The following MCM6 variants were observed in gnomAD, a reference collection of about 807,000 sequenced individuals.
MCM6 encodes the protein minichromosome maintenance complex component 6, also known as DNA replication licensing factor MCM6.
A neutral mutation model predicts 94.3 loss-of-function variants in MCM6; 46 were observed. The observed-to-expected ratio is 0.49, with a 90% CI of 0.39 to 0.62. MCM6 has a LOEUF of 0.62. Among genes scored for constraint, MCM6 ranks in the 20% least tolerant of loss-of-function variants. MCM6 has a pLI of 0.00. For missense variants in MCM6, 865 were observed against 1,017.9 expected (o/e 0.85, Z 2.04); for synonymous variants, 335 against 351.9 (o/e 0.95, Z 0.54).
intron 11 of MCM6, among the ~76,000 whole-genome samples, chr2:135,853,748 C>T (rs972928415): frequency 1.4e-5 from 2 of 147,420 alleles, no homozygotes; most frequent in Non-Finnish European, 3.0e-5. Context: ...AAAAAAAAGA[C>T]CCCAAAATAT....
chr2:135,850,852 T>C (rs1253000882), intron 13 of MCM6, among the ~76,000 whole-genome samples: 1 of 152,190 alleles, frequency 6.6e-6, no homozygotes, highest in Non-Finnish European at 1.5e-5. Flanking sequence ...AACCCCCTTT[T>C]CAAAGACGAC....
intron 16 of MCM6, 88 bp downstream of exon 16, chr2:135,844,457 C>CA: frequency 2.4e-5 from 29 of 1,233,378 alleles, no homozygotes; most frequent in South Asian, 1.0e-4. Context: ...AAACAAAGGT[C>CA]AAAAAAAATT....
chr2:135,856,280 T>C lies in MCM6; in HGVS notation c.1626+448A>G, dbSNP rs542390800. On this transcript the variant is annotated intron_variant, in intron 11 of 16. Transcript: ENST00000264156. ...CAACATGGTGAGACCCTGTCTGTAC[T>C]AAAAATATAAAAATTAGCCACGCAT... 6.6e-5 allele frequency among the ~76,000 whole-genome samples: 10 copies of C among 152,112 alleles called. No homozygotes were observed. The East Asian group carries it at 1.7e-3, about 26-fold the overall frequency.
intron 1 of MCM6, among the ~76,000 whole-genome samples, chr2:135,874,270 G>T (rs537141844): frequency 6.6e-6 from 1 of 152,340 alleles, no homozygotes; most frequent in Non-Finnish European, 1.5e-5. Flanking sequence ...AGACTAAGTA[G>T]CTAGGAGGTA....
intron 14 of MCM6, 122 bp downstream of exon 14, chr2:135,847,931 C>A: frequency 1.6e-6 from 1 of 643,126 alleles, no homozygotes; most frequent in South Asian, 2.3e-5. Context: ...AATTCAGTAT[C>A]TGCTTTTTCC....
chr2:135,874,911 G>A (rs1267605462), intron 1 of MCM6, among the ~76,000 whole-genome samples: 2 of 152,162 alleles, frequency 1.3e-5, no homozygotes, highest in African/African-American at 4.8e-5. Flanking sequence ...TGTTACACAA[G>A]CCAGACACAA....
In MCM6 at chr2:135,846,369, C is replaced by CAGG; in HGVS notation, c.2074_2076dup (p.Pro692dup). On this transcript the variant is annotated inframe_insertion, in exon 15 of 17. Coordinates refer to ENST00000264156, the MANE Select transcript of MCM6 (RefSeq NM_005915.6). Reference sequence around the variant, plus strand: ...TCATTGTAGCCATTGATCCCGTTCACAGGAGCAGGGCTGTCAGCATGACCT... The same window carrying CAGG: ...TCATTGTAGCCATTGATCCCGTTCACAGGAGGAGCAGGGCTGTCAGCATGACCT... 6.2e-7 allele frequency: 1 copy of CAGG among 1,614,168 alleles called. No homozygotes were observed. Among genetic ancestry groups the CAGG allele is most frequent in the Non-Finnish European group, 8.5e-7 (1 of 1,180,006 alleles).
At chr2:135,846,849 C>T (rs1425627791) in intron 14 of MCM6, among the ~76,000 whole-genome samples, 1 of 151,794 alleles carries the variant, frequency 6.6e-6, no homozygotes, top group African/African-American at 2.4e-5. Context: ...ACTAAAAATA[C>T]AAAAATTAGC....
intron 16 of MCM6, among the ~76,000 whole-genome samples, chr2:135,842,317 A>C (rs561022008): frequency 1.3e-5 from 2 of 152,194 alleles, no homozygotes; most frequent in South Asian, 4.1e-4. Flanking sequence ...CCCCTCAATA[A>C]TCACAGACTG....
intron 7 of MCM6, among the ~76,000 whole-genome samples, chr2:135,863,604 G>A (rs1403453951): frequency 2.0e-5 from 3 of 152,026 alleles, no homozygotes; most frequent in Non-Finnish European, 4.4e-5. Context: ...GGTGGCAGGC[G>A]CCTGTAGTCC....
Position 135,844,562 on chromosome 2 carries a change from G to T in MCM6, c.2332C>A (p.His778Asn). The change falls in exon 16 of 17, where the codon CAT (histidine) becomes AAT (asparagine). Residue 778 changes from histidine (H) to asparagine (N), a missense_variant. Physicochemically the swap from His to Asn is moderately conservative, Grantham distance 68. Coordinates refer to ENST00000264156, the MANE Select transcript of MCM6 (RefSeq NM_005915.6). Reference protein sequence around the residue: ...NKKRIIEKVIHRLTHYDHVLI... With the variant: ...NKKRIIEKVINRLTHYDHVLI... Reference sequence around the variant, plus strand: ...GCACCTACATAGTGTGTGAGTCGATGAATAACTTTCTCTATGATTCTTTTT... The same window carrying T: ...GCACCTACATAGTGTGTGAGTCGATTAATAACTTTCTCTATGATTCTTTTT... 1 of 1,573,466 alleles carries T rather than the reference G, an allele frequency of 6.4e-7. No homozygotes were observed. The highest frequency in any genetic ancestry group is 8.6e-7 in the Non-Finnish European group (1 of 1,162,294).
At chr2:135,842,624 G>A (rs573855150) in intron 16 of MCM6, among the ~76,000 whole-genome samples, 1 of 152,320 alleles carries the variant, frequency 6.6e-6, no homozygotes, top group South Asian at 2.1e-4. Context: ...ACAAGGCAGG[G>A]TGACAGCAAG....
chr2:135,860,646 C>CA (rs1317343858), intron 8 of MCM6, among the ~76,000 whole-genome samples: 1 of 152,172 alleles, frequency 6.6e-6, no homozygotes, highest in Non-Finnish European at 1.5e-5. Flanking sequence ...AAGCATTTGA[C>CA]AAAATCCAAC....
intron 11 of MCM6, among the ~76,000 whole-genome samples, chr2:135,853,684 A>C (rs1679816873): frequency 6.6e-6 from 1 of 151,908 alleles, no homozygotes; most frequent in Non-Finnish European, 1.5e-5. Context: ...AGCTTCAGAG[A>C]CTGTGCTCTT....
At chr2:135,863,667 C>T (rs142781129) in intron 7 of MCM6, among the ~76,000 whole-genome samples, 97 of 152,142 alleles carry the variant, frequency 6.4e-4, no homozygotes, top group African/African-American at 2.2e-3. Flanking sequence ...GAGGTTGAGG[C>T]TGTAGTAGGC....
At chr2:135,869,163 G>A (rs1006027237) in intron 3 of MCM6, among the ~76,000 whole-genome samples, 2 of 152,282 alleles carry the variant, frequency 1.3e-5, no homozygotes, top group African/African-American at 4.8e-5. Flanking sequence ...AGCACTTTGG[G>A]AGACCAAGGT....
rs369970836 is a variant in MCM6, at chr2:135,876,402, C to A, written c.-37G>T. 2 of 1,527,978 alleles carry A rather than the reference C, an allele frequency of 1.3e-6. No individual in the cohort carries two copies. The highest frequency in any genetic ancestry group is 2.3e-5 in the East Asian group (1 of 43,222). The allele number at this position is 1,527,978 out of a possible 1,614,324, so 94.7% of individuals were successfully genotyped here. ...GCCGAGGATTCGCCTGCGCCACGCT[C>A]GACCGCCACAAGTCGCTTTTTTCCA... On this transcript the variant is annotated 5_prime_UTR_variant, in exon 1 of 17. Transcript: ENST00000264156.
At chr2:135,869,042 G>T (rs147401455) in intron 3 of MCM6, among the ~76,000 whole-genome samples, 182 bp from the exon 4 acceptor site, 2 of 152,102 alleles carry the variant, frequency 1.3e-5, no homozygotes, top group East Asian at 3.9e-4. Context: ...ATTATATGAC[G>T]TATATGTATC....
In MCM6 at chr2:135,872,622, A is replaced by C. The variant is rs919892205; in HGVS notation, c.254+75T>G. ...CTGACCTTCTGCTACACAAGTGAAC[A>C]CTTACAGTCCAAGAAGAGCTGGCTT... On this transcript the variant is annotated intron_variant, in intron 2 of 16. Transcript: ENST00000264156. 5 of 1,446,382 alleles carry C rather than the reference A, an allele frequency of 3.5e-6. No individual in the cohort carries two copies. The African/African-American group carries it at 5.7e-5, about 16-fold the overall frequency. The allele number at this position is 1,446,382 out of a possible 1,614,324, so 89.6% of individuals were successfully genotyped here.
Sources: allele counts gnomAD v4.1 joint callset (sites outside exome capture counted in the v4.1 genomes callset), GRCh38; gene constraint gnomAD v4.1.1; transcripts MANE v1.5; gene names NCBI Gene and HGNC (gene_info 2026-07-23, HGNC 2026-07-21).